Variants in CTXND1 observed in about 807,000 individuals in gnomAD.
CTXND1 encodes cortexin domain-containing 1 protein.
intron 1 of CTXND1, among the ~76,000 whole-genome samples, chr15:80,241,766 G>A (rs957189892): frequency 9.9e-5 from 15 of 152,162 alleles, no homozygotes; most frequent in African/African-American, 3.1e-4. Context: ...ACAGCTGCTC[G>A]TTGGCCTACC....
At chr15:80,251,167 C>T (rs1893689815) in intron 1 of CTXND1, among the ~76,000 whole-genome samples, 2 of 152,170 alleles carry the variant, frequency 1.3e-5, no homozygotes, top group South Asian at 4.1e-4. Context: ...CACTGTGGCC[C>T]TATTGCACGC....
intron 1 of CTXND1, among the ~76,000 whole-genome samples, chr15:80,240,418 C>T (rs1893552325): frequency 1.3e-5 from 2 of 152,214 alleles, no homozygotes; most frequent in South Asian, 4.1e-4. Flanking sequence ...CAGATTGGAA[C>T]ATGGCGTAGG....
chr15:80,240,157 G>A (rs1395440193), intron 1 of CTXND1, among the ~76,000 whole-genome samples: 3 of 152,218 alleles, frequency 2.0e-5, no homozygotes, highest in East Asian at 3.9e-4. Flanking sequence ...TAGAGACGAG[G>A]TTTCTCCATG....
At position 80,203,651 on chromosome 15, in the gene CTXND1, G is replaced by C. The variant is rs896790354; in HGVS notation, c.-128C>G. ...GGCTGTTCCAGGAGGCACGAGGAGC[G>C]GTCAGGCATCATGGGGGTCACCCAA... On this transcript the variant is annotated 5_prime_UTR_variant, in exon 2 of 3. Transcript: ENST00000560778. 1 of 152,418 alleles carries C rather than the reference G, an allele frequency of 6.6e-6. No individual in the cohort carries two copies. Among genetic ancestry groups the C allele is most frequent in the Non-Finnish European group, 1.5e-5 (1 of 68,282 alleles). The allele number at this position is 152,418 out of a possible 1,614,324, so 9.4% of individuals were successfully genotyped here. A position where few individuals can be genotyped will look rare whatever the true frequency, so the allele number is the denominator to read the frequency against.
chr15:80,239,113 C>T (rs985558141), intron 1 of CTXND1, among the ~76,000 whole-genome samples: 5 of 152,216 alleles, frequency 3.3e-5, no homozygotes, highest in Non-Finnish European at 5.9e-5. Flanking sequence ...CTTGACCTCT[C>T]GATTTCTGCC....
rs1277322294 is a variant in CTXND1, at chr15:80,195,681, A to G, written c.*6089T>C. On this transcript the variant is annotated 3_prime_UTR_variant, in exon 3 of 3. Coordinates refer to ENST00000560778, the MANE Select transcript of CTXND1 (RefSeq NM_001352888.2). ...TTGAGATAACTGCATTAATCCATTCACTCCGCCCTCATGGCCTAATCACCT... is the reference window on the plus strand; with the variant it reads ...TTGAGATAACTGCATTAATCCATTCGCTCCGCCCTCATGGCCTAATCACCT... 2 of 151,926 alleles carry G rather than the reference A, an allele frequency of 1.3e-5. No individual in the cohort carries two copies. The highest frequency in any genetic ancestry group is 4.8e-5 in the African/African-American group (2 of 41,340). 9.4% of individuals were successfully genotyped at this position (151,926 alleles called of 1,614,324 possible). A position where few individuals can be genotyped will look rare whatever the true frequency, so the allele number is the denominator to read the frequency against.
intron 1 of CTXND1, among the ~76,000 whole-genome samples, chr15:80,212,610 ATC>A (rs1349724746): frequency 1.3e-5 from 2 of 152,326 alleles, no homozygotes; most frequent in East Asian, 3.9e-4. Flanking sequence ...CCCCTCAGCC[ATC>A]TCAGCAGAAG....
rs1434055292 is a variant in CTXND1 at position 80,195,543 on chromosome 15, AAGGAACC to A, written c.*6220_*6226del. The stretch of plus-strand genomic sequence containing the variant: ...TTTGGAGGCTGCAAAATACAAGATC[AAGGAACC>A]AGCATCTGGTGAGGACCTTCTTGTT... On this transcript the variant is annotated 3_prime_UTR_variant, in exon 3 of 3. Transcript: ENST00000560778. 2 of 152,230 alleles carry A rather than the reference AAGGAACC, an allele frequency of 1.3e-5. No homozygotes were observed. The highest frequency in any genetic ancestry group is 4.8e-5 in the African/African-American group (2 of 41,452). 9.4% of individuals were successfully genotyped at this position (152,230 alleles called of 1,614,324 possible).
At chr15:80,202,279 C>T (rs1462024981) in intron 2 of CTXND1, among the ~76,000 whole-genome samples, 2 of 151,954 alleles carry the variant, frequency 1.3e-5, no homozygotes, top group African/African-American at 4.8e-5. Context: ...CAGATGAGTC[C>T]CAGCAGGCAT....
chr15:80,235,072 C>T (rs1286145246), intron 1 of CTXND1, among the ~76,000 whole-genome samples: 1 of 152,176 alleles, frequency 6.6e-6, no homozygotes, highest in African/African-American at 2.4e-5. Context: ...AGGGCTCTTC[C>T]TTTGCCTCTC....
At chr15:80,204,207 C>CATAAAT (rs199817313) in intron 1 of CTXND1, among the ~76,000 whole-genome samples, 1 of 52,876 alleles carries the variant, frequency 1.9e-5, no homozygotes, top group Admixed American at 2.5e-4. Context: ...TATACACAAA[C>CATAAAT]ACATACACAC....
At chr15:80,223,440 C>T (rs1371950973) in intron 1 of CTXND1, among the ~76,000 whole-genome samples, 4 of 152,284 alleles carry the variant, frequency 2.6e-5, no homozygotes, top group African/African-American at 7.2e-5. Flanking sequence ...CACGATATCA[C>T]GATTTATTCA....
chr15:80,236,040 T>G (rs911528281), intron 1 of CTXND1, among the ~76,000 whole-genome samples: 4 of 147,796 alleles, frequency 2.7e-5, no homozygotes, highest in Admixed American at 2.1e-4. Context: ...GTTCAAACTC[T>G]TAGCACCACA....
chr15:80,226,044 T>C (rs1395655638), intron 1 of CTXND1, among the ~76,000 whole-genome samples: 1 of 152,176 alleles, frequency 6.6e-6, no homozygotes, highest in Non-Finnish European at 1.5e-5. Flanking sequence ...ATAGGTGGGT[T>C]TTATTTCAGG....
intron 1 of CTXND1, among the ~76,000 whole-genome samples, chr15:80,213,902 A>G (rs900445422): frequency 6.6e-6 from 1 of 152,228 alleles, no homozygotes; most frequent in Non-Finnish European, 1.5e-5. Flanking sequence ...CTTTCTAGCA[A>G]TAAAAAATTG....
In CTXND1 at chr15:80,196,387, G is replaced by A. The variant is rs2041420508; in HGVS notation, c.*5383C>T. The A allele has an allele frequency of 1.3e-5, 2 of 152,188 alleles. No individual in the cohort carries two copies. Among genetic ancestry groups the A allele is most frequent in the South Asian group, 4.1e-4 (2 of 4,834 alleles). The allele number at this position is 152,188 out of a possible 1,614,324, so 9.4% of individuals were successfully genotyped here. On this transcript the variant is annotated 3_prime_UTR_variant, in exon 3 of 3. Transcript: ENST00000560778. ...GATGAAGATTTGGGTCATTCCACCA[G>A]ATAAAATTCTCCAACAGCTAAGGGA...
At chr15:80,219,844 A>G (rs971087255) in intron 1 of CTXND1, among the ~76,000 whole-genome samples, 8 of 151,666 alleles carry the variant, frequency 5.3e-5, no homozygotes, top group African/African-American at 1.9e-4. Context: ...TACTATGTTA[A>G]TTTTCTCTTT....
intron 1 of CTXND1, among the ~76,000 whole-genome samples, chr15:80,220,919 T>A (rs1335816565): frequency 2.0e-5 from 3 of 149,160 alleles, no homozygotes; most frequent in African/African-American, 7.3e-5. Context: ...ATTATTTTTT[T>A]TTTTTTTGAG....
At chr15:80,230,463 A>G (rs1893416090) in intron 1 of CTXND1, among the ~76,000 whole-genome samples, 1 of 152,100 alleles carries the variant, frequency 6.6e-6, no homozygotes, top group Non-Finnish European at 1.5e-5. Flanking sequence ...CATTTGCTTC[A>G]TCAGTTTATC....
Sources: gnomAD v4.1 joint callset for allele counts (sites outside exome capture counted in the v4.1 genomes callset) on GRCh38, gnomAD v4.1.1 for gene constraint, MANE v1.5 for transcripts, NCBI Gene and HGNC (gene_info 2026-07-23, HGNC 2026-07-21) for gene names.